The following KHDRBS2 variants were observed in gnomAD, a reference collection of about 807,000 sequenced individuals.
KHDRBS2 encodes the protein KH domain-containing, RNA-binding, signal transduction-associated protein 2.
Under a neutral mutation model 44.3 loss-of-function variants are expected in KHDRBS2, and 26 were observed. That is an observed-to-expected ratio of 0.59 (90% CI 0.43 to 0.81). The LOEUF (loss-of-function observed/expected upper bound fraction) is 0.81. Ranked by LOEUF, KHDRBS2 falls within the 40% of genes least tolerant of loss-of-function variation. The pLI is 0.00. For synonymous variants in KHDRBS2, 194 were observed against 151.1 expected (o/e 1.28, Z -2.08); for missense variants, 476 against 433.1 (o/e 1.10, Z -0.88).
At chr6:62,281,228 A>C (rs748269954) in intron 1 of KHDRBS2, among the ~76,000 whole-genome samples, 3 of 150,906 alleles carry the variant, frequency 2.0e-5, no homozygotes, top group Admixed American at 6.6e-5. Context: ...ACTCAGCAGT[A>C]ATCTAAAGTA....
the KHDRBS2 span, among the ~76,000 whole-genome samples, chr6:61,559,875 T>C: frequency 2.6e-5 from 4 of 152,344 alleles, no homozygotes; most frequent in African/African-American, 4.8e-5. Flanking sequence ...TATAACATTC[T>C]TTGTTTTTCT....
At chr6:61,609,875 T>A in the KHDRBS2 span, among the ~76,000 whole-genome samples, 1 of 152,174 alleles carries the variant, frequency 6.6e-6, no homozygotes, top group Admixed American at 6.5e-5. Flanking sequence ...TGTTCCAGTT[T>A]AAAAATTTTG....
At chr6:61,638,874 T>C in the KHDRBS2 span, among the ~76,000 whole-genome samples, 1 of 152,242 alleles carries the variant, frequency 6.6e-6, no homozygotes. Context: ...GTCTCTCCTA[T>C]GTTAAATGTG....
chr6:62,194,389 A>T (rs1428023223), intron 1 of KHDRBS2, among the ~76,000 whole-genome samples: 2 of 149,094 alleles, frequency 1.3e-5, no homozygotes, highest in Admixed American at 1.3e-4. Flanking sequence ...TGAATGTGTG[A>T]GGGTCTATTT....
intron 6 of KHDRBS2, among the ~76,000 whole-genome samples, chr6:61,852,417 A>T (rs544783969): frequency 6.6e-6 from 1 of 152,050 alleles, no homozygotes; most frequent in South Asian, 2.1e-4. Flanking sequence ...TACAAAAATT[A>T]GCTGGGTGTG....
the KHDRBS2 span, among the ~76,000 whole-genome samples, chr6:61,605,035 C>T: frequency 6.6e-6 from 1 of 152,124 alleles, no homozygotes; most frequent in South Asian, 2.1e-4. Flanking sequence ...GACTAATGGT[C>T]TTTTAAAAAC....
intron 2 of KHDRBS2, among the ~76,000 whole-genome samples, chr6:62,133,270 G>T (rs1404454319): frequency 6.6e-6 from 1 of 152,164 alleles, no homozygotes; most frequent in African/African-American, 2.4e-5. Flanking sequence ...GACACAGTGG[G>T]AGATAACTGA....
chr6:61,605,974 A>C, the KHDRBS2 span, among the ~76,000 whole-genome samples: 1 of 152,132 alleles, frequency 6.6e-6, no homozygotes, highest in African/African-American at 2.4e-5. Flanking sequence ...AAAAGAAGTG[A>C]AAATGGCCGG....
intron 7 of KHDRBS2, among the ~76,000 whole-genome samples, chr6:61,712,395 A>T (rs1246357409): frequency 2.0e-5 from 3 of 151,836 alleles, no homozygotes; most frequent in Non-Finnish European, 2.9e-5. Flanking sequence ...AACAACCTAG[A>T]TTCATTTATG....
intron 6 of KHDRBS2, among the ~76,000 whole-genome samples, chr6:61,879,747 TCATC>T (rs1208625847): frequency 3.3e-5 from 5 of 152,074 alleles, no homozygotes; most frequent in African/African-American, 1.2e-4. Flanking sequence ...TGTCTCTTGT[TCATC>T]CATTTTAAAT....
chr6:61,799,729 C>T (rs975472667), intron 6 of KHDRBS2, among the ~76,000 whole-genome samples: 1 of 151,664 alleles, frequency 6.6e-6, no homozygotes, highest in African/African-American at 2.4e-5. Flanking sequence ...GCTTAGAAGA[C>T]AAAAAAACAG....
chr6:61,692,661 T>A (rs948666471), intron 8 of KHDRBS2, among the ~76,000 whole-genome samples: 2 of 152,094 alleles, frequency 1.3e-5, no homozygotes, highest in South Asian at 4.1e-4. Flanking sequence ...GAATGAAGTG[T>A]CCCACTGAAG....
chr6:62,166,624 T>C (rs12199561), intron 2 of KHDRBS2, among the ~76,000 whole-genome samples: 2,217 of 152,174 alleles, frequency 0.015, 32 homozygotes, highest in Non-Finnish European at 0.02. Flanking sequence ...TACTTCCTTA[T>C]TGCTCATAGA....
At chr6:61,945,805 A>C (rs1350425915) in intron 4 of KHDRBS2, among the ~76,000 whole-genome samples, 1 of 152,146 alleles carries the variant, frequency 6.6e-6, no homozygotes, top group East Asian at 1.9e-4. Context: ...AAATAGTAAC[A>C]TCAATACATA....
rs1016662172 is a variant in KHDRBS2, at chr6:62,130,298, A to C, written c.219+46887T>G. On this transcript the variant is annotated intron_variant, in intron 2 of 8. Transcript: ENST00000281156. Reference sequence around the variant, plus strand: ...TGGGGACCAAGTGATAGTTTGCTGCACCTCACCAATAATCATCCAGAGGTC... The same window carrying C: ...TGGGGACCAAGTGATAGTTTGCTGCCCCTCACCAATAATCATCCAGAGGTC... Among the ~76,000 whole-genome samples, 7 of 152,330 alleles carry C rather than the reference A, an allele frequency of 4.6e-5. No homozygotes were observed. The South Asian group carries it at 1.2e-3, about 27-fold the overall frequency.
chr6:61,619,642 A>G, the KHDRBS2 span, among the ~76,000 whole-genome samples: 1 of 151,892 alleles, frequency 6.6e-6, no homozygotes, highest in Non-Finnish European at 1.5e-5. Context: ...TCAGTAGAGA[A>G]GGGGTTTCTC....
In KHDRBS2 at chr6:62,001,736, G is replaced by T. The variant is rs75459024; in HGVS notation, c.337-23524C>A. Among the ~76,000 whole-genome samples, 214 of 152,238 alleles carry T rather than the reference G, an allele frequency of 1.4e-3. 2 individuals are homozygous for T. Among genetic ancestry groups the T allele is most frequent in the African/African-American group, 4.8e-3 (199 of 41,570 alleles). ...CTTTCCATGAAATACCACACAGAGA[G>T]TCTGCAAACATTAATGATACATACA... On this transcript the variant is annotated intron_variant, in intron 3 of 8. Transcript: ENST00000281156.
chr6:62,042,132 G>A (rs1434815183), intron 3 of KHDRBS2, among the ~76,000 whole-genome samples: 1 of 151,960 alleles, frequency 6.6e-6, no homozygotes, highest in African/African-American at 2.4e-5. Context: ...TTAACACAAT[G>A]CTTCTTATCA....
chr6:61,890,521 A>C (rs1801656801), intron 6 of KHDRBS2, among the ~76,000 whole-genome samples: 1 of 152,180 alleles, frequency 6.6e-6, no homozygotes, highest in Non-Finnish European at 1.5e-5. Flanking sequence ...AAATTCTTCT[A>C]TTAATAACAA....
Sources: gnomAD v4.1 joint callset for allele counts (sites outside exome capture counted in the v4.1 genomes callset) on GRCh38, gnomAD v4.1.1 for gene constraint, MANE v1.5 for transcripts, NCBI Gene and HGNC (gene_info 2026-07-23, HGNC 2026-07-21) for gene names.